Variants in GORAB observed in about 807,000 individuals in gnomAD.
GORAB encodes RAB6-interacting golgin.
Under a neutral mutation model 29.9 loss-of-function variants are expected in GORAB, and 17 were observed. The ratio of observed to expected loss-of-function variants is 0.57; its 90% CI spans 0.39 to 0.85. The LOEUF (loss-of-function observed/expected upper bound fraction) is 0.85. GORAB is among the 40% of genes least tolerant of loss of function. The pLI is 0.00. For synonymous variants in GORAB, 183 were observed against 157.2 expected, an observed-to-expected ratio of 1.16 and a Z score of -1.23; for missense variants, 442 against 437.8, an observed-to-expected ratio of 1.01 and a Z score of -0.09.
intron 1 of GORAB, among the ~76,000 whole-genome samples, chr1:170,538,694 C>T (rs182801939): frequency 1.6e-4 from 24 of 152,290 alleles, no homozygotes; most frequent in African/African-American, 5.8e-4. Flanking sequence ...AGAGACTTCA[C>T]TCAATTACAT....
At chr1:170,549,859 T>C (rs1381307872) in intron 4 of GORAB, among the ~76,000 whole-genome samples, 1 of 152,178 alleles carries the variant, frequency 6.6e-6, no homozygotes. Flanking sequence ...TTTTCCATAA[T>C]CTTAATTTTA....
intron 4 of GORAB, chr1:170,545,065 C>T (rs1364217698): frequency 4.1e-6 from 5 of 1,234,528 alleles, no homozygotes; most frequent in Non-Finnish European, 5.1e-6. Context: ...GCCATTAGAG[C>T]AGTTCTTGCA....
chr1:170,542,658 G>T (rs774969661), intron 3 of GORAB, 66 bp downstream of exon 3: 16 of 1,018,624 alleles, frequency 1.6e-5, no homozygotes, highest in African/African-American at 3.2e-5. Context: ...TGTTATATTT[G>T]TTTTCCCATG....
At chr1:170,542,331 T>C (rs1050504926) in intron 2 of GORAB, among the ~76,000 whole-genome samples, 160 bp from the exon 3 acceptor site, 1 of 152,212 alleles carries the variant, frequency 6.6e-6, no homozygotes, top group Admixed American at 6.5e-5. Flanking sequence ...AATAATGAAC[T>C]GCAGATGGGT....
In GORAB at chr1:170,553,581, A is replaced by G. The variant is rs1389321297; in HGVS notation, c.*1119A>G. 2.2e-6 allele frequency: 1 copy of G among 451,282 alleles called. No homozygotes were observed. The highest frequency in any genetic ancestry group is 2.4e-5 in the Admixed American group (1 of 42,246). 28.0% of individuals were successfully genotyped at this position (451,282 alleles called of 1,614,324 possible). ...GCACAAGTATAAGATTGTATCCATA[A>G]AAGTTTCTGAAAAACTTAGGGACAT... On this transcript the variant is annotated 3_prime_UTR_variant, in exon 5 of 5. Transcript: ENST00000367763.
intron 2 of GORAB, among the ~76,000 whole-genome samples, chr1:170,540,371 G>C (rs1344587908): frequency 1.3e-5 from 2 of 150,966 alleles, no homozygotes; most frequent in African/African-American, 4.9e-5. Flanking sequence ...TTCTTTGTTT[G>C]CTCCTGATTT....
At chr1:170,545,392 A>G (rs1490015616) in intron 4 of GORAB, 1 of 950,674 alleles carries the variant, frequency 1.1e-6, no homozygotes, top group African/African-American at 1.8e-5. Context: ...TTTTCCTTTC[A>G]ATTATACTCT....
Position 170,542,574 on chromosome 1 carries a change from C to A in GORAB, c.503C>A (p.Ala168Asp). ...AATAAACGTAAAAAAGCTCTTTTGGCTAAAGCTATTGCAGAAAGGTGAGGC... is the reference window on the plus strand; with the variant it reads ...AATAAACGTAAAAAAGCTCTTTTGGATAAAGCTATTGCAGAAAGGTGAGGC... ...EKNKRKKALL[A>D]KAIAERSKRT... Residue 168 changes from alanine to aspartate, a missense_variant, in exon 3 of 5, where the codon GCT becomes GAT. By Grantham distance (126) the Ala-to-Asp change is moderately radical. Transcript: ENST00000367763. The A allele has an allele frequency of 6.2e-7, 1 of 1,612,852 alleles. No homozygotes were observed. The highest frequency in any genetic ancestry group is 8.5e-7 in the Non-Finnish European group (1 of 1,178,966).
At chr1:170,534,947 G>T (rs2101815986) in intron 1 of GORAB, among the ~76,000 whole-genome samples, 1 of 152,272 alleles carries the variant, frequency 6.6e-6, no homozygotes, top group East Asian at 1.9e-4. Flanking sequence ...TTAAGCTAAA[G>T]TAACAAATAG....
chr1:170,541,203 CAAAAA>C (rs67384213), intron 2 of GORAB, among the ~76,000 whole-genome samples: 2 of 46,338 alleles, frequency 4.3e-5, no homozygotes, highest in Middle Eastern at 0.038. Context: ...GATTCTGTCC[CAAAAA>C]AAAAAAAAAA....
chr1:170,540,093 A>G (rs2101821901), intron 2 of GORAB, among the ~76,000 whole-genome samples: 1 of 151,486 alleles, frequency 6.6e-6, no homozygotes, highest in East Asian at 1.9e-4. Context: ...CCTTTTTTCA[A>G]CTTCCAGACT....
chr1:170,539,668 C>T, intron 2 of GORAB, 101 bp downstream of exon 2: 1 of 1,248,728 alleles, frequency 8.0e-7, no homozygotes. Context: ...AACATTTTCT[C>T]TCCTTTATAT....
At chr1:170,543,213 A>G (rs889121530) in intron 3 of GORAB, among the ~76,000 whole-genome samples, 1 of 152,154 alleles carries the variant, frequency 6.6e-6, no homozygotes, top group African/African-American at 2.4e-5. Context: ...GCACACAACA[A>G]CATTCCCATT....
At position 170,539,334 on chromosome 1, in the gene GORAB, A is replaced by G. The variant is rs766190900; in HGVS notation, c.186A>G (p.Pro62=). The G allele has an allele frequency of 6.2e-7, 1 of 1,614,202 alleles. No individual in the cohort carries two copies. The highest frequency in any genetic ancestry group is 8.5e-7 in the Non-Finnish European group (1 of 1,180,022). Residue 62 remains proline, a synonymous_variant, in exon 2 of 5, where the codon CCA becomes CCG. Coordinates refer to ENST00000367763, the MANE Select transcript of GORAB (RefSeq NM_152281.3). ...GLQDGSTSLL[P]EQLLSAPKQR... is the part of the protein sequence containing the mutation. ...AAGATGGATCAACCTCATTACTTCC[A>G]GAGCAGCTGCTTTCAGCACCAAAAC...
Position 170,539,154 on chromosome 1 carries a change from A to G in GORAB, c.62-56A>G, listed in dbSNP as rs1261185966. The G allele has an allele frequency of 5.0e-6, 8 of 1,596,430 alleles. No individual in the cohort carries two copies. In the Admixed American group the frequency reaches 6.7e-5, roughly 13 times the overall value. On this transcript the variant is annotated intron_variant, in intron 1 of 4. Coordinates refer to ENST00000367763, the MANE Select transcript of GORAB (RefSeq NM_152281.3). ...GTTAATTTTTTATTTTCTTAGAGGA[A>G]TTATAATTATTTGCTGCCCACACAA...
intron 1 of GORAB, among the ~76,000 whole-genome samples, chr1:170,535,127 A>G (rs1469094664): frequency 2.0e-5 from 3 of 152,226 alleles, no homozygotes; most frequent in African/African-American, 7.2e-5. Flanking sequence ...ATTGGCAATT[A>G]AATCCTTTCA....
chr1:170,535,244 C>T (rs185296069), intron 1 of GORAB, among the ~76,000 whole-genome samples: 11 of 152,266 alleles, frequency 7.2e-5, no homozygotes, highest in African/African-American at 2.6e-4. Context: ...TTATGTCTAT[C>T]CTTAAAGAGT....
intron 4 of GORAB, among the ~76,000 whole-genome samples, chr1:170,548,079 A>C (rs1464909243): frequency 2.6e-5 from 4 of 152,248 alleles, no homozygotes; most frequent in Non-Finnish European, 5.9e-5. Flanking sequence ...TTAAAACAAC[A>C]GAAATTACTT....
intron 3 of GORAB, 86 bp from the exon 4 acceptor site, chr1:170,544,619 A>G (rs1571252571): frequency 1.0e-6 from 1 of 967,718 alleles, no homozygotes; most frequent in South Asian, 1.5e-5. Context: ...ATGTATATGC[A>G]GTATCTTGCT....
Sources: gnomAD v4.1 joint callset for allele counts (sites outside exome capture counted in the v4.1 genomes callset) on GRCh38, gnomAD v4.1.1 for gene constraint, MANE v1.5 for transcripts, NCBI Gene and HGNC (gene_info 2026-07-23, HGNC 2026-07-21) for gene names.